The following UNC5D variants were observed in gnomAD, a reference collection of about 807,000 sequenced individuals.
UNC5D encodes the protein netrin receptor UNC5D.
A neutral mutation model predicts 105.4 loss-of-function variants in UNC5D; 39 were observed. The observed-to-expected ratio is 0.37, with a 90% confidence interval of 0.29 to 0.48. The LOEUF (loss-of-function observed/expected upper bound fraction) is 0.48. Among genes scored for constraint, UNC5D ranks in the 20% least tolerant of loss-of-function variants. The pLI is 0.98. For synonymous variants in UNC5D, 452 were observed against 450.4 expected (o/e 1.00, Z -0.04); for missense variants, 991 against 1,202.4 (o/e 0.82, Z 2.60).
intron 7 of UNC5D, among the ~76,000 whole-genome samples, chr8:35,701,529 G>T (rs1827196978): frequency 6.6e-6 from 1 of 151,794 alleles, no homozygotes; most frequent in African/African-American, 2.4e-5. Context: ...AATGGTTCAG[G>T]AGCATGGAAT....
At chr8:35,560,946 G>A (rs1816911058) in intron 2 of UNC5D, among the ~76,000 whole-genome samples, 1 of 152,172 alleles carries the variant, frequency 6.6e-6, no homozygotes, top group Non-Finnish European at 1.5e-5. Context: ...TGACAAGAGT[G>A]GGGTAAGACA....
At chr8:35,403,698 G>T (rs375590382) in intron 1 of UNC5D, among the ~76,000 whole-genome samples, 3 of 152,146 alleles carry the variant, frequency 2.0e-5, no homozygotes, top group East Asian at 1.9e-4. Flanking sequence ...TGGGTTTTTC[G>T]ATTAGGGATG....
intron 11 of UNC5D, among the ~76,000 whole-genome samples, chr8:35,746,423 G>A (rs991083418): frequency 6.9e-6 from 1 of 145,762 alleles, no homozygotes; most frequent in East Asian, 2.1e-4. Flanking sequence ...GTGAAGTTTT[G>A]TTCCTTCACC....
chr8:35,297,914 G>A (rs1278046521), intron 1 of UNC5D, among the ~76,000 whole-genome samples: 2 of 152,060 alleles, frequency 1.3e-5, no homozygotes, highest in Non-Finnish European at 2.9e-5. Flanking sequence ...AAATTGGGAG[G>A]TTTCTTTGGT....
intron 1 of UNC5D, among the ~76,000 whole-genome samples, chr8:35,515,872 G>A (rs1255441863): frequency 6.6e-6 from 1 of 152,022 alleles, no homozygotes; most frequent in Admixed American, 6.5e-5. Context: ...GCCATAATAA[G>A]ACCCCTTCAG....
intron 1 of UNC5D, among the ~76,000 whole-genome samples, chr8:35,431,586 C>T (rs1806639680): frequency 6.6e-6 from 1 of 152,042 alleles, no homozygotes; most frequent in African/African-American, 2.4e-5. Context: ...AGTATAAAAA[C>T]TCTGCAACTA....
intron 1 of UNC5D, among the ~76,000 whole-genome samples, chr8:35,519,541 T>C (rs1372405123): frequency 1.3e-5 from 2 of 152,014 alleles, no homozygotes; most frequent in East Asian, 3.9e-4. Flanking sequence ...GTAGAATGAT[T>C]AAGAGCACAG....
intron 11 of UNC5D, among the ~76,000 whole-genome samples, chr8:35,733,709 T>C (rs1427545267): frequency 2.0e-5 from 3 of 152,214 alleles, no homozygotes; most frequent in Admixed American, 6.5e-5. Context: ...ATGTCTGAGT[T>C]ACAGCCCCAA....
At chr8:35,553,801 G>T (rs551315531) in intron 2 of UNC5D, among the ~76,000 whole-genome samples, 4 of 152,296 alleles carry the variant, frequency 2.6e-5, no homozygotes, top group African/African-American at 9.6e-5. Flanking sequence ...CTCCAAGGCA[G>T]AGCTGGGAAA....
chr8:35,760,093 G>A (rs372359730), intron 14 of UNC5D, among the ~76,000 whole-genome samples: 1 of 150,724 alleles, frequency 6.6e-6, no homozygotes, highest in Non-Finnish European at 1.5e-5. Flanking sequence ...GCCCAGGCTG[G>A]AGTGCAGTGG....
At chr8:35,237,179 G>GT (rs3073013) in intron 1 of UNC5D, among the ~76,000 whole-genome samples, 3,947 of 61,772 alleles carry the variant, frequency 0.064, 334 homozygotes, top group Non-Finnish European at 0.088. Flanking sequence ...TTCCTGAAAA[G>GT]TTTTTTTTTT....
intron 16 of UNC5D, among the ~76,000 whole-genome samples, chr8:35,789,690 C>A (rs1316432605): frequency 6.6e-6 from 1 of 151,992 alleles, no homozygotes; most frequent in Non-Finnish European, 1.5e-5. Flanking sequence ...ATTTACAATA[C>A]TATCTATGTT....
intron 2 of UNC5D, among the ~76,000 whole-genome samples, chr8:35,554,524 C>T (rs893042812): frequency 2.6e-5 from 4 of 152,290 alleles, no homozygotes; most frequent in South Asian, 2.1e-4. Flanking sequence ...AATCATACCC[C>T]TGTGAAAAGA....
At chr8:35,422,242 T>G (rs1009508266) in intron 1 of UNC5D, among the ~76,000 whole-genome samples, 2 of 152,174 alleles carry the variant, frequency 1.3e-5, no homozygotes, top group Non-Finnish European at 2.9e-5. Context: ...TTAATGGGAC[T>G]CTCTGGAAAC....
intron 4 of UNC5D, among the ~76,000 whole-genome samples, chr8:35,620,517 T>G (rs1586268485): frequency 6.6e-6 from 1 of 152,270 alleles, no homozygotes; most frequent in Admixed American, 6.5e-5. Flanking sequence ...CATCAGACCC[T>G]TACCCCCACT....
At chr8:35,293,935 C>T (rs1190081436) in intron 1 of UNC5D, among the ~76,000 whole-genome samples, 1 of 152,016 alleles carries the variant, frequency 6.6e-6, no homozygotes, top group Non-Finnish European at 1.5e-5. Context: ...ACTTAGATAC[C>T]TTTGTGTTGA....
chr8:35,377,760 T>G (rs2128929648), intron 1 of UNC5D, among the ~76,000 whole-genome samples: 1 of 152,348 alleles, frequency 6.6e-6, no homozygotes, highest in Non-Finnish European at 1.5e-5. Context: ...GTCGCTTTTC[T>G]GAAGGATTTA....
At chr8:35,717,795 AAATG>A (rs543208065) in intron 8 of UNC5D, among the ~76,000 whole-genome samples, 6 of 152,350 alleles carry the variant, frequency 3.9e-5, no homozygotes, top group African/African-American at 1.4e-4. Flanking sequence ...GCTTCATCAT[AAATG>A]AATGGTCACT....
chr8:35,459,102 T>C (rs923045348), intron 1 of UNC5D, among the ~76,000 whole-genome samples: 1 of 152,174 alleles, frequency 6.6e-6, no homozygotes, highest in Admixed American at 6.6e-5. Flanking sequence ...AAGTCATTGA[T>C]TGATGTATTT....
Sources: gnomAD v4.1 joint callset for allele counts (sites outside exome capture counted in the v4.1 genomes callset) on GRCh38, gnomAD v4.1.1 for gene constraint, MANE v1.5 for transcripts, NCBI Gene and HGNC (gene_info 2026-07-23, HGNC 2026-07-21) for gene names.